The following CD44 variants were observed in gnomAD, a reference collection of about 807,000 sequenced individuals.
CD44 encodes the protein CD44 antigen.
Under a neutral mutation model 88.8 loss-of-function variants are expected in CD44, and 49 were observed. The ratio of observed to expected loss-of-function variants is 0.55; its 90% confidence interval spans 0.44 to 0.70. The LOEUF (loss-of-function observed/expected upper bound fraction) is 0.70. Among genes scored for constraint, CD44 ranks in the 30% least tolerant of loss-of-function variants. The pLI is 0.00. For synonymous variants in CD44, 325 were observed against 312.3 expected, an observed-to-expected ratio of 1.04 and a Z score of -0.43; for missense variants, 883 against 913.8, an observed-to-expected ratio of 0.97 and a Z score of 0.43.
At chr11:35,157,359 CT>C (rs1216067968) in intron 1 of CD44, among the ~76,000 whole-genome samples, 2 of 151,462 alleles carry the variant, frequency 1.3e-5, no homozygotes, top group African/African-American at 4.9e-5. Context: ...ATCTATCTAT[CT>C]ATCTATCATC....
intron 1 of CD44, among the ~76,000 whole-genome samples, chr11:35,169,751 G>C (rs527564994): frequency 1.3e-5 from 2 of 152,306 alleles, no homozygotes; most frequent in South Asian, 4.1e-4. Flanking sequence ...TTTTATCAGA[G>C]ATCTATTTTC....
In CD44 at chr11:35,229,278, T is replaced by A. The variant is rs1456384145; in HGVS notation, c.2174T>A (p.Met725Lys). 3.1e-6 allele frequency: 5 copies of A among 1,614,028 alleles called. No individual in the cohort carries two copies. The highest frequency in any genetic ancestry group is 4.2e-6 in the Non-Finnish European group (5 of 1,179,916). ...TCGTCAGAAACTCCAGACCAGTTTA[T>A]GACAGCTGATGAGACAAGGAACCTG... is the stretch of plus-strand genomic sequence containing the variant. ...KESSETPDQFMTADETRNLQN... is the reference protein window; with the variant it reads ...KESSETPDQFKTADETRNLQN... Residue 725 changes from methionine to lysine, a missense_variant, in exon 18 of 18, where the codon ATG becomes AAG. Around this residue, in one of 2 missense-constraint regions of CD44, gnomAD observed 631 missense variants for 590.9 expected, o/e 1.07. Transcript: ENST00000428726.
At chr11:35,208,834 T>C (rs1456611505) in intron 12 of CD44, among the ~76,000 whole-genome samples, 1 of 152,210 alleles carries the variant, frequency 6.6e-6, no homozygotes, top group Non-Finnish European at 1.5e-5. Flanking sequence ...AAGTCGTTCA[T>C]AATTTCTTTG....
At chr11:35,196,898 A>C (rs61882760) in intron 6 of CD44, 24 bp downstream of exon 6, 1 of 1,608,314 alleles carries the variant, frequency 6.2e-7, no homozygotes, top group East Asian at 2.2e-5. Context: ...ATTATCTCAT[A>C]GCGTATGTTT....
intron 6 of CD44, 62 bp downstream of exon 6, chr11:35,196,936 G>T: frequency 1.3e-6 from 2 of 1,546,808 alleles, no homozygotes; most frequent in South Asian, 1.1e-5. Flanking sequence ...AATTTTGATT[G>T]ACCTCTGGGA....
At chr11:35,206,336 A>T (rs1947837520) in intron 11 of CD44, 93 bp downstream of exon 11, 1 of 1,305,516 alleles carries the variant, frequency 7.7e-7, no homozygotes, top group Non-Finnish European at 1.0e-6. Context: ...TTGGTTTTAG[A>T]CCAAACTACT....
intron 1 of CD44, among the ~76,000 whole-genome samples, chr11:35,155,285 T>TA (rs1250551634): frequency 1.3e-5 from 2 of 152,184 alleles, no homozygotes; most frequent in African/African-American, 2.4e-5. Context: ...GGTTTCTGAA[T>TA]AAAATTGCAC....
chr11:35,154,663 A>G (rs1254545748), intron 1 of CD44, among the ~76,000 whole-genome samples: 1 of 152,218 alleles, frequency 6.6e-6, no homozygotes, highest in Non-Finnish European at 1.5e-5. Context: ...AATTGGCTTT[A>G]TTGGGCAGGA....
intron 3 of CD44, among the ~76,000 whole-genome samples, chr11:35,184,492 G>A (rs536859013): frequency 6.6e-6 from 1 of 152,258 alleles, no homozygotes; most frequent in East Asian, 1.9e-4. Context: ...GCATCTCATA[G>A]GTTGCGTCAG....
At chr11:35,221,590 C>T in intron 16 of CD44, 64 bp from the exon 17 acceptor site, 2 of 1,385,486 alleles carry the variant, frequency 1.4e-6, no homozygotes, top group Non-Finnish European at 1.0e-6. Context: ...TTATAAAGTG[C>T]ATTTTTGTTT....
At chr11:35,225,102 G>GAGCACTTGAACTATGGCTGGTTCA (rs1949604144) in intron 17 of CD44, among the ~76,000 whole-genome samples, 2 of 123,768 alleles carry the variant, frequency 1.6e-5, no homozygotes, top group Non-Finnish European at 3.8e-5. Flanking sequence ...AGCCACAACT[G>GAGCACTTGAACTATGGCTGGTTCA]AGCACTTGAA....
intron 1 of CD44, among the ~76,000 whole-genome samples, chr11:35,148,188 C>T (rs994698416): frequency 1.3e-5 from 2 of 152,186 alleles, no homozygotes; most frequent in African/African-American, 2.4e-5. Context: ...GCCCAAGCCC[C>T]CAGCTCTAGT....
At chr11:35,179,143 G>A (rs1023673739) in intron 2 of CD44, among the ~76,000 whole-genome samples, 1 of 152,222 alleles carries the variant, frequency 6.6e-6, no homozygotes, top group African/African-American at 2.4e-5. Flanking sequence ...TAGGAGTTCT[G>A]TGTGCTTGGA....
At chr11:35,179,335 T>C (rs1177951415) in intron 2 of CD44, among the ~76,000 whole-genome samples, 2 of 152,242 alleles carry the variant, frequency 1.3e-5, no homozygotes, top group Non-Finnish European at 2.9e-5. Flanking sequence ...CCCTTGCACA[T>C]GGCATTTTCT....
At chr11:35,146,983 A>T (rs537076922) in intron 1 of CD44, among the ~76,000 whole-genome samples, 1 of 152,198 alleles carries the variant, frequency 6.6e-6, no homozygotes, top group Non-Finnish European at 1.5e-5. Flanking sequence ...CTCTGAATAG[A>T]AGCTCTACTC....
At chr11:35,205,152 T>C (rs191088240) in intron 10 of CD44, among the ~76,000 whole-genome samples, 8 of 152,288 alleles carry the variant, frequency 5.3e-5, no homozygotes, top group Admixed American at 3.3e-4. Context: ...TGTTTTTGAG[T>C]ATAAAAAAGG....
chr11:35,221,633 C>T (rs1283024617), intron 16 of CD44, 21 bp from the exon 17 acceptor site: 2 of 1,601,990 alleles, frequency 1.2e-6, no homozygotes, highest in East Asian at 2.2e-5. Context: ...TCACGCATGT[C>T]ATTTAATTTA....
intron 12 of CD44, among the ~76,000 whole-genome samples, chr11:35,208,895 C>T (rs545338033): frequency 7.2e-5 from 11 of 152,186 alleles, no homozygotes; most frequent in Admixed American, 6.5e-4. Flanking sequence ...TACTGCTTGC[C>T]ACACATAATG....
At position 35,226,853 on chromosome 11, in the gene CD44, C is replaced by T. The variant is rs144067864; in HGVS notation, c.2025-2276C>T. Among the ~76,000 whole-genome samples, 105 of 150,064 alleles carry T rather than the reference C, an allele frequency of 7.0e-4. 1 individual carries two copies. The highest frequency in any genetic ancestry group is 1.7e-3 in the African/African-American group (69 of 40,818). ...AGTAAGTTCTCAAAACCAGGCCTTCCGAGCCCCTTTTCTTCTTTCTTTTTT... is the reference window on the plus strand; with the variant it reads ...AGTAAGTTCTCAAAACCAGGCCTTCTGAGCCCCTTTTCTTCTTTCTTTTTT... On this transcript the variant is annotated intron_variant, in intron 17 of 17. Coordinates refer to ENST00000428726, the MANE Select transcript of CD44 (RefSeq NM_000610.4).
Sources: allele counts gnomAD v4.1 joint callset (sites outside exome capture counted in the v4.1 genomes callset), GRCh38; gene constraint gnomAD v4.1.1; regional missense constraint gnomAD v4.1.1; transcripts MANE v1.5; gene names NCBI Gene and HGNC (gene_info 2026-07-23, HGNC 2026-07-21).